The following GRM1 variants were observed in gnomAD, a reference collection of about 807,000 sequenced individuals.
GRM1 encodes the protein glutamate metabotropic receptor 1, also known as metabotropic glutamate receptor 1.
GRM1 carries 33 observed loss-of-function variants against 90.9 expected under a neutral mutation model. That is an observed-to-expected ratio of 0.36 (90% CI 0.28 to 0.49). The LOEUF is 0.49. Ranked by LOEUF, GRM1 falls within the 20% of genes least tolerant of loss-of-function variation. GRM1 has a pLI of 0.99. For synonymous variants in GRM1, 700 were observed against 613.2 expected (o/e 1.14, Z -2.09); for missense variants, 1,190 against 1,534.3 (o/e 0.78, Z 3.75).
In GRM1 at chr6:146,159,916, T is replaced by TAAAA. The variant is rs566531460; in HGVS notation, c.950+335_950+338dup. The TAAAA allele has an allele frequency of 2.7e-3, 177 of 66,338 alleles. 1 individual carries two copies. The highest frequency in any genetic ancestry group is 6.9e-3 in the African/African-American group (159 of 23,108). The allele number at this position is 66,338 out of a possible 1,614,324, so 4.1% of individuals were successfully genotyped here. A position where few individuals can be genotyped will look rare whatever the true frequency, so the allele number is the denominator to read the frequency against. ...TGGTGACAGAGTGAGACCTTAACTA[T>TAAAA]AAAAAAAAAAAAAAAAAAAGGAAAG... On this transcript the variant is annotated intron_variant, in intron 2 of 7. Coordinates refer to ENST00000282753, the MANE Select transcript of GRM1 (RefSeq NM_001278064.2).
At chr6:146,234,237 G>T (rs1780551078) in intron 2 of GRM1, among the ~76,000 whole-genome samples, 1 of 151,724 alleles carries the variant, frequency 6.6e-6, no homozygotes. Context: ...CTTTAAGTGA[G>T]TATCTTTCAG....
At chr6:146,382,209 G>C (rs1036623491) in intron 5 of GRM1, among the ~76,000 whole-genome samples, 1 of 151,250 alleles carries the variant, frequency 6.6e-6, no homozygotes, top group African/African-American at 2.4e-5. Flanking sequence ...CTTATTGAAC[G>C]TATACATCAT....
chr6:146,362,829 A>T lies in GRM1; in HGVS notation c.1602+5135A>T, dbSNP rs1333972517. Among the ~76,000 whole-genome samples the T allele has an allele frequency of 2.0e-5, 3 of 152,100 alleles. No homozygotes were observed. In the East Asian group the frequency reaches 5.8e-4, roughly 29 times the overall value. ...TCCTTGCTCAATTTTAGCTTCTTAT[A>T]TGACTGATTTTTTCATGGGTGAGCA... On this transcript the variant is annotated intron_variant, in intron 5 of 7. Transcript: ENST00000282753.
At chr6:146,357,074 C>T (rs1054903432) in intron 4 of GRM1, among the ~76,000 whole-genome samples, 1 of 152,138 alleles carries the variant, frequency 6.6e-6, no homozygotes, top group Non-Finnish European at 1.5e-5. Flanking sequence ...TCTATTAGCA[C>T]CTTAAAAACG....
intron 1 of GRM1, among the ~76,000 whole-genome samples, chr6:146,098,350 T>C (rs1001637689): frequency 6.6e-6 from 1 of 152,154 alleles, no homozygotes; most frequent in Non-Finnish European, 1.5e-5. Context: ...AGAATTTACA[T>C]AAAAAGGCTA....
chr6:146,305,216 T>G (rs1476869153), intron 3 of GRM1, among the ~76,000 whole-genome samples: 2 of 152,064 alleles, frequency 1.3e-5, no homozygotes, highest in East Asian at 3.8e-4. Flanking sequence ...TTTTTCTTTG[T>G]GGCTTGTTTA....
intron 5 of GRM1, among the ~76,000 whole-genome samples, chr6:146,369,023 A>G (rs1775802392): frequency 6.6e-6 from 1 of 151,930 alleles, no homozygotes; most frequent in Admixed American, 6.6e-5. Context: ...CAATCATTTT[A>G]CCCATTATTG....
At chr6:146,275,134 A>G (rs1163639052) in intron 2 of GRM1, among the ~76,000 whole-genome samples, 1 of 152,226 alleles carries the variant, frequency 6.6e-6, no homozygotes, top group Non-Finnish European at 1.5e-5. Context: ...AATGAGCTAA[A>G]CTAAGTGGAT....
At chr6:146,409,368 T>C (rs1777477057) in intron 7 of GRM1, among the ~76,000 whole-genome samples, 1 of 152,128 alleles carries the variant, frequency 6.6e-6, no homozygotes, top group African/African-American at 2.4e-5. Context: ...ATACTGTCCA[T>C]GGAGGGGGAA....
At chr6:146,100,056 C>T (rs1379029762) in intron 1 of GRM1, among the ~76,000 whole-genome samples, 4 of 152,074 alleles carry the variant, frequency 2.6e-5, no homozygotes, top group Non-Finnish European at 5.9e-5. Flanking sequence ...TTTTTTTTCC[C>T]AATCTTAAGA....
At chr6:146,356,370 G>A (rs1785583331) in intron 4 of GRM1, among the ~76,000 whole-genome samples, 1 of 152,118 alleles carries the variant, frequency 6.6e-6, no homozygotes, top group South Asian at 2.1e-4. Context: ...GGGAGGACCT[G>A]CTTTCTGGTT....
At chr6:146,104,953 G>A (rs2128871713) in intron 1 of GRM1, among the ~76,000 whole-genome samples, 1 of 152,268 alleles carries the variant, frequency 6.6e-6, no homozygotes, top group African/African-American at 2.4e-5. Flanking sequence ...AGGAGAGAGG[G>A]GGTAATGATC....
intron 2 of GRM1, among the ~76,000 whole-genome samples, chr6:146,257,273 C>T (rs947760499): frequency 6.6e-6 from 1 of 152,042 alleles, no homozygotes; most frequent in African/African-American, 2.4e-5. Context: ...AGATCATAAC[C>T]TGTTTAAGGA....
intron 2 of GRM1, among the ~76,000 whole-genome samples, chr6:146,268,892 A>G (rs1397499087): frequency 2.0e-5 from 3 of 152,244 alleles, no homozygotes; most frequent in African/African-American, 7.2e-5. Context: ...TAGCCAAAGC[A>G]TAAAAACAGA....
chr6:146,083,476 G>A (rs188145811), intron 1 of GRM1, among the ~76,000 whole-genome samples: 85 of 152,168 alleles, frequency 5.6e-4, no homozygotes, highest in African/African-American at 1.8e-3. Flanking sequence ...CCTTGTCTGC[G>A]TCTATTGAGA....
chr6:146,190,592 T>C (rs1021379472), intron 2 of GRM1, among the ~76,000 whole-genome samples: 4 of 152,194 alleles, frequency 2.6e-5, no homozygotes, highest in African/African-American at 9.7e-5. Context: ...TAATATTTAC[T>C]GCACAGTTGA....
At chr6:146,177,262 T>C (rs1778370660) in intron 2 of GRM1, among the ~76,000 whole-genome samples, 1 of 152,070 alleles carries the variant, frequency 6.6e-6, no homozygotes, top group South Asian at 2.1e-4. Context: ...TGACATGTAT[T>C]CCCAGAGTGA....
intron 5 of GRM1, among the ~76,000 whole-genome samples, chr6:146,380,944 CACA>C: frequency 6.6e-6 from 1 of 152,270 alleles, no homozygotes; most frequent in East Asian, 1.9e-4. Flanking sequence ...ACAGGGGCTT[CACA>C]ACTCTGATGG....
At chr6:146,344,951 C>T (rs1457775478) in intron 3 of GRM1, among the ~76,000 whole-genome samples, 1 of 152,010 alleles carries the variant, frequency 6.6e-6, no homozygotes, top group Admixed American at 6.6e-5. Context: ...AGCTGGGATT[C>T]CAGGCATGCC....
Sources: allele counts gnomAD v4.1 joint callset (sites outside exome capture counted in the v4.1 genomes callset), GRCh38; gene constraint gnomAD v4.1.1; transcripts MANE v1.5; gene names NCBI Gene and HGNC (gene_info 2026-07-23, HGNC 2026-07-21).